Variants in XPO6 observed in about 807,000 individuals in gnomAD.
XPO6 encodes exportin 6, also known as exportin-6.
Under a neutral mutation model 130.0 loss-of-function variants are expected in XPO6, and 3 were observed. That is an observed-to-expected ratio of 0.02 (90% confidence interval 0.01 to 0.06). XPO6 has a LOEUF of 0.06. Ranked by LOEUF, XPO6 falls within the 10% of genes least tolerant of loss-of-function variation. XPO6 has a pLI of 1.00. For missense variants in XPO6, 970 were observed against 1,393.0 expected (o/e 0.70, Z 4.83); for synonymous variants, 524 against 548.9 (o/e 0.95, Z 0.63).
chr16:28,133,324 G>A (rs202134274), intron 11 of XPO6, among the ~76,000 whole-genome samples: 1 of 148,714 alleles, frequency 6.7e-6, no homozygotes, highest in African/African-American at 2.5e-5. Flanking sequence ...GGGAGACAGC[G>A]TGAGACTCCG....
rs569389565 is a variant in XPO6, at chr16:28,139,521, T to C, written c.1335-4197A>G. Among the ~76,000 whole-genome samples, 7 of 152,300 alleles carry C rather than the reference T, an allele frequency of 4.6e-5. No homozygotes were observed. The East Asian group carries it at 1.3e-3, about 29-fold the overall frequency. On this transcript the variant is annotated intron_variant, in intron 9 of 23. Coordinates refer to ENST00000304658, the MANE Select transcript of XPO6 (RefSeq NM_015171.4). ...TGGGTAAATCTAATAGACTACTTCT[T>C]TCTTCTTAAGAGCTATAAAATATGA...
intron 1 of XPO6, among the ~76,000 whole-genome samples, chr16:28,201,099 G>A (rs1215621060): frequency 6.6e-6 from 1 of 151,964 alleles, no homozygotes; most frequent in Admixed American, 6.6e-5. Flanking sequence ...AATTAGCTTT[G>A]GGGCTCCCCA....
intron 2 of XPO6, 135 bp downstream of exon 2, chr16:28,180,806 G>C (rs1446601031): frequency 3.2e-6 from 2 of 628,940 alleles, no homozygotes; most frequent in African/African-American, 3.8e-5. Context: ...CCAGCCAACA[G>C]AACCAGAGCG....
At chr16:28,155,999 T>C in intron 7 of XPO6, 75 bp downstream of exon 7, 1 of 1,516,546 alleles carries the variant, frequency 6.6e-7, no homozygotes, top group Non-Finnish European at 8.8e-7. Flanking sequence ...GGATTACAGA[T>C]GCCATGCAGC....
chr16:28,135,133 G>A, intron 10 of XPO6, 83 bp downstream of exon 10: 2 of 1,138,434 alleles, frequency 1.8e-6, no homozygotes, highest in Non-Finnish European at 2.6e-6. Flanking sequence ...CTTCGGAGCA[G>A]AGGGCTCTGG....
intron 4 of XPO6, among the ~76,000 whole-genome samples, chr16:28,175,598 T>G (rs1233147755): frequency 6.6e-6 from 1 of 152,188 alleles, no homozygotes; most frequent in African/African-American, 2.4e-5. Flanking sequence ...CCGAAACTAC[T>G]GAAAGCCTCA....
At chr16:28,125,563 T>G in intron 13 of XPO6, 126 bp downstream of exon 13, 1 of 1,220,256 alleles carries the variant, frequency 8.2e-7, no homozygotes. Flanking sequence ...TCAGCTTGTA[T>G]GTGGCAGAGC....
intron 1 of XPO6, among the ~76,000 whole-genome samples, chr16:28,188,367 T>C (rs908762636): frequency 3.9e-5 from 6 of 152,212 alleles, no homozygotes; most frequent in African/African-American, 1.4e-4. Context: ...CATGGGCTCA[T>C]AGATACCAAA....
At position 28,132,495 on chromosome 16, in the gene XPO6, TG is replaced by T; in HGVS notation, c.1537-93del. ...ACATTACAACATTAACACGTAACTA[TG>T]GTGTGAGGAACAGGATCAAAACCTT... On this transcript the variant is annotated intron_variant, in intron 11 of 23. Coordinates refer to ENST00000304658, the MANE Select transcript of XPO6 (RefSeq NM_015171.4). The surrounding 1 kb of genome is among the most constrained non-coding windows in gnomAD (Gnocchi z 4.0). 1 of 840,742 alleles carries T rather than the reference TG, an allele frequency of 1.2e-6. No homozygotes were observed. Among genetic ancestry groups the T allele is most frequent in the African/African-American group, 1.7e-5 (1 of 57,636 alleles). 52.1% of individuals were successfully genotyped at this position (840,742 alleles called of 1,614,324 possible).
At chr16:28,147,735 C>G (rs926048867) in intron 8 of XPO6, among the ~76,000 whole-genome samples, 1 of 152,180 alleles carries the variant, frequency 6.6e-6, no homozygotes, top group Non-Finnish European at 1.5e-5. Context: ...CTCTTGAGGT[C>G]AGGAGTTTGA....
At chr16:28,137,247 C>T (rs1046731977) in intron 9 of XPO6, among the ~76,000 whole-genome samples, 16 of 152,228 alleles carry the variant, frequency 1.1e-4, no homozygotes, top group Admixed American at 5.2e-4. Context: ...ACCCTAGTTG[C>T]TCAGGGACCA....
intron 5 of XPO6, among the ~76,000 whole-genome samples, chr16:28,168,253 G>C (rs890847250): frequency 2.6e-5 from 4 of 152,164 alleles, no homozygotes; most frequent in Non-Finnish European, 5.9e-5. Flanking sequence ...GGGAGGCTAA[G>C]GCAGGAGGAT....
chr16:28,154,537 T>C (rs750211730), intron 7 of XPO6: 8 of 155,318 alleles, frequency 5.2e-5, no homozygotes, highest in Non-Finnish European at 9.9e-5. Flanking sequence ...TTAGAATTAG[T>C]GGTAGGGGAC....
At chr16:28,176,747 G>C (rs1419253245) in intron 3 of XPO6, among the ~76,000 whole-genome samples, 1 of 148,998 alleles carries the variant, frequency 6.7e-6, no homozygotes, top group Non-Finnish European at 1.5e-5. Context: ...TGACCTCATT[G>C]ATCCACCCGC....
rs576678608 is a variant in XPO6 at position 28,194,068 on chromosome 16, C to G, written c.4-13037G>C. ...CCCCTGAGCAAATTACCTAACCTCTCGGAGCTCAAGTTTCTTCACTTGCAA... is the reference window on the plus strand; with the variant it reads ...CCCCTGAGCAAATTACCTAACCTCTGGGAGCTCAAGTTTCTTCACTTGCAA... On this transcript the variant is annotated intron_variant, in intron 1 of 23. Coordinates refer to ENST00000304658, the MANE Select transcript of XPO6 (RefSeq NM_015171.4). Among the ~76,000 whole-genome samples the G allele has an allele frequency of 1.4e-4, 21 of 152,200 alleles. No homozygotes were observed. The South Asian group carries it at 4.2e-3, about 30-fold the overall frequency.
intron 23 of XPO6, among the ~76,000 whole-genome samples, chr16:28,099,629 G>C (rs1045855693): frequency 6.6e-6 from 1 of 152,226 alleles, no homozygotes; most frequent in East Asian, 1.9e-4. Flanking sequence ...TGAAATGGGG[G>C]AGTAACAGGA....
At chr16:28,205,919 T>C (rs1189111597) in intron 1 of XPO6, among the ~76,000 whole-genome samples, 1 of 150,418 alleles carries the variant, frequency 6.6e-6, no homozygotes, top group East Asian at 2.0e-4. Flanking sequence ...GCACCTGTAG[T>C]CCCAGCTACT....
chr16:28,175,698 T>G (rs1207695362), intron 4 of XPO6, among the ~76,000 whole-genome samples, 200 bp downstream of exon 4: 1 of 152,006 alleles, frequency 6.6e-6, no homozygotes, highest in Non-Finnish European at 1.5e-5. Context: ...AGAGATTAAG[T>G]TTTTCTCCCC....
chr16:28,135,584 A>G (rs997665385), intron 9 of XPO6, among the ~76,000 whole-genome samples: 7 of 152,148 alleles, frequency 4.6e-5, no homozygotes, highest in African/African-American at 1.7e-4. Flanking sequence ...GTCTCTGGCA[A>G]TAATTTCTGT....
Sources: allele counts gnomAD v4.1 joint callset (sites outside exome capture counted in the v4.1 genomes callset), GRCh38; gene constraint gnomAD v4.1.1; non-coding constraint Gnocchi (gnomAD v3.1); transcripts MANE v1.5; gene names NCBI Gene and HGNC (gene_info 2026-07-23, HGNC 2026-07-21).